Variants in GUCY1A2 observed in about 807,000 individuals in gnomAD.
GUCY1A2 encodes the protein guanylate cyclase 1 soluble subunit alpha 2, also known as guanylate cyclase soluble subunit alpha-2.
GUCY1A2 carries 27 observed loss-of-function variants against 63.5 expected under a neutral mutation model. The ratio of observed to expected loss-of-function variants is 0.43; its 90% CI spans 0.31 to 0.59. GUCY1A2 has a LOEUF of 0.59. Among genes scored for constraint, GUCY1A2 ranks in the 20% least tolerant of loss-of-function variants. The pLI is 0.11. For synonymous variants in GUCY1A2, 364 were observed against 343.5 expected, an observed-to-expected ratio of 1.06 and a Z score of -0.66; for missense variants, 768 against 913.3, an observed-to-expected ratio of 0.84 and a Z score of 2.05.
intron 4 of GUCY1A2, chr11:106,936,858 T>A: frequency 1.9e-6 from 1 of 520,960 alleles, no homozygotes; most frequent in Non-Finnish European, 3.4e-6. Context: ...AAAAGCCAAC[T>A]AAAAAATTAG....
At chr11:106,887,522 C>T (rs932554224) in intron 4 of GUCY1A2, among the ~76,000 whole-genome samples, 4 of 152,158 alleles carry the variant, frequency 2.6e-5, no homozygotes, top group Non-Finnish European at 5.9e-5. Context: ...TTGCACTGTT[C>T]GTTCTCCACC....
intron 4 of GUCY1A2, among the ~76,000 whole-genome samples, chr11:106,819,546 T>G (rs1858874439): frequency 6.6e-6 from 1 of 152,170 alleles, no homozygotes; most frequent in Non-Finnish European, 1.5e-5. Context: ...GATTATGACT[T>G]GATGAAGGCT....
At chr11:106,989,437 T>C (rs991209522) in intron 1 of GUCY1A2, among the ~76,000 whole-genome samples, 1 of 152,198 alleles carries the variant, frequency 6.6e-6, no homozygotes, top group African/African-American at 2.4e-5. Context: ...TGCAGGTTTG[T>C]TACATATGTG....
At chr11:106,862,215 T>C (rs1859522446) in intron 4 of GUCY1A2, among the ~76,000 whole-genome samples, 1 of 152,002 alleles carries the variant, frequency 6.6e-6, no homozygotes, top group African/African-American at 2.4e-5. Context: ...AGATCTGTAT[T>C]TAAATAAAGT....
intron 4 of GUCY1A2, among the ~76,000 whole-genome samples, chr11:106,877,219 G>A (rs145123365): frequency 6.6e-6 from 1 of 152,052 alleles, no homozygotes; most frequent in East Asian, 1.9e-4. Flanking sequence ...GGAGCTTTGG[G>A]GCTGCGACTA....
intron 7 of GUCY1A2, among the ~76,000 whole-genome samples, chr11:106,695,950 A>G (rs1251804238): frequency 6.6e-6 from 1 of 152,178 alleles, no homozygotes. Context: ...CCTGAAAATG[A>G]TAAGGCAGAG....
chr11:106,690,872 C>T (rs1862611261), intron 7 of GUCY1A2, among the ~76,000 whole-genome samples: 1 of 152,120 alleles, frequency 6.6e-6, no homozygotes. Context: ...AACAAGACTA[C>T]GTAAGATAGC....
chr11:106,801,244 T>C (rs749099939), intron 5 of GUCY1A2, among the ~76,000 whole-genome samples: 1 of 152,190 alleles, frequency 6.6e-6, no homozygotes, highest in Non-Finnish European at 1.5e-5. Context: ...GTTCATCTTC[T>C]AATTACTACA....
At chr11:106,743,722 G>A (rs1863736813) in intron 6 of GUCY1A2, among the ~76,000 whole-genome samples, 1 of 152,122 alleles carries the variant, frequency 6.6e-6, no homozygotes. Flanking sequence ...AATACACTGA[G>A]GCCAGGGAAA....
intron 4 of GUCY1A2, chr11:106,826,508 CA>C: frequency 6.2e-7 from 1 of 1,603,518 alleles, no homozygotes; most frequent in South Asian, 1.1e-5. Context: ...TCAGTTTCAC[CA>C]ATTAAGAAAG....
chr11:106,836,315 T>C (rs1199164352), intron 4 of GUCY1A2, among the ~76,000 whole-genome samples: 1 of 151,926 alleles, frequency 6.6e-6, no homozygotes, highest in Non-Finnish European at 1.5e-5. Context: ...TATTATGTTC[T>C]TACAATAAAG....
intron 6 of GUCY1A2, among the ~76,000 whole-genome samples, chr11:106,728,089 AC>A (rs1249026469): frequency 6.6e-6 from 1 of 152,048 alleles, no homozygotes; most frequent in East Asian, 1.9e-4. Context: ...CACCTTTATA[AC>A]TGTTTCTCTT....
intron 3 of GUCY1A2, among the ~76,000 whole-genome samples, chr11:106,960,138 T>C (rs1032847055): frequency 2.0e-5 from 3 of 152,244 alleles, no homozygotes; most frequent in African/African-American, 7.2e-5. Flanking sequence ...TTCCTTATAG[T>C]TGGACTGTTG....
rs1862460952 is a variant in GUCY1A2 at position 106,683,228 on chromosome 11, A to C, written c.*4321T>G. 1 of 216,576 alleles carries C rather than the reference A, an allele frequency of 4.6e-6. No homozygotes were observed. Among genetic ancestry groups the C allele is most frequent in the Admixed American group, 5.8e-5 (1 of 17,168 alleles). 13.4% of individuals were successfully genotyped at this position (216,576 alleles called of 1,614,324 possible). ...TGATTATAGAAGCCTCTGAAATGAC[A>C]TAATTTTTGTAGCTGAAGGTCTATA... On this transcript the variant is annotated 3_prime_UTR_variant, in exon 8 of 8. Transcript: ENST00000526355.
chr11:106,837,254 T>C (rs1591296553), intron 4 of GUCY1A2, among the ~76,000 whole-genome samples: 1 of 152,080 alleles, frequency 6.6e-6, no homozygotes, highest in Middle Eastern at 3.4e-3. Flanking sequence ...AATATTTGCT[T>C]TTCTTTTCTT....
chr11:106,687,542 G>A lies in GUCY1A2; in HGVS notation c.*7C>T. On this transcript the variant is annotated 3_prime_UTR_variant, in exon 8 of 8. Transcript: ENST00000526355. Reference sequence around the variant, plus strand: ...TTTTTGGAGGAGTCTTTGATCTGTAGCAGGTCTCAGAGGCTTGTCTCCCGG... The same window carrying A: ...TTTTTGGAGGAGTCTTTGATCTGTAACAGGTCTCAGAGGCTTGTCTCCCGG... 6.2e-7 allele frequency: 1 copy of A among 1,604,412 alleles called. No homozygotes were observed. The highest frequency in any genetic ancestry group is 8.5e-7 in the Non-Finnish European group (1 of 1,171,160).
intron 6 of GUCY1A2, among the ~76,000 whole-genome samples, chr11:106,739,524 T>C (rs1045494629): frequency 1.3e-5 from 2 of 152,190 alleles, no homozygotes; most frequent in African/African-American, 4.8e-5. Flanking sequence ...GATTAGGGAA[T>C]TGAAAGTCAG....
At chr11:106,690,009 G>T (rs1435247842) in intron 7 of GUCY1A2, among the ~76,000 whole-genome samples, 2 of 144,266 alleles carry the variant, frequency 1.4e-5, no homozygotes, top group Non-Finnish European at 3.1e-5. Context: ...AAAAAAAAAA[G>T]TAAAAAAATA....
chr11:106,868,792 T>C (rs1464258577), intron 4 of GUCY1A2, among the ~76,000 whole-genome samples: 1 of 152,186 alleles, frequency 6.6e-6, no homozygotes, highest in African/African-American at 2.4e-5. Flanking sequence ...AGAGCCCACA[T>C]TGCCAAGTCA....
Sources: gnomAD v4.1 joint callset for allele counts (sites outside exome capture counted in the v4.1 genomes callset) on GRCh38, gnomAD v4.1.1 for gene constraint, MANE v1.5 for transcripts, NCBI Gene and HGNC (gene_info 2026-07-23, HGNC 2026-07-21) for gene names.